ZC3H12B: variants seen among roughly 807,000 people sequenced by gnomAD.
ZC3H12B encodes the protein probable ribonuclease ZC3H12B.
ZC3H12B carries 7 observed loss-of-function variants against 43.9 expected under a neutral mutation model. The ratio of observed to expected loss-of-function variants is 0.16; its 90% CI spans 0.09 to 0.30. ZC3H12B has a LOEUF of 0.30. Among genes scored for constraint, ZC3H12B ranks in the 10% least tolerant of loss-of-function variants. ZC3H12B has a pLI of 1.00. For synonymous variants in ZC3H12B, 222 were observed against 241.7 expected (o/e 0.92, Z 0.76); for missense variants, 475 against 670.2 (o/e 0.71, Z 3.22).
chrX:65,083,158 C>A, the ZC3H12B span, among the ~76,000 whole-genome samples: 2 of 111,121 alleles, frequency 1.8e-5, no homozygotes, highest in African/African-American at 6.6e-5. Flanking sequence ...TGGTTTCATA[C>A]TAAATGGGGA....
At chrX:65,240,070 G>A in the ZC3H12B span, among the ~76,000 whole-genome samples, 71 of 110,880 alleles carry the variant, frequency 6.4e-4, no homozygotes, top group African/African-American at 2.2e-3. Flanking sequence ...ATTTTCTTGT[G>A]GAGTTTCTGA....
At chrX:65,484,439 T>C (rs375510293), upstream of ZC3H12B, among the ~76,000 whole-genome samples, 11 of 112,427 alleles carry the variant, frequency 9.8e-5, no homozygotes, top group East Asian at 3.1e-3. Flanking sequence ...ATTCTTATGA[T>C]GATTGAACTA....
At chrX:65,055,585 G>C in the ZC3H12B span, among the ~76,000 whole-genome samples, 1 of 111,914 alleles carries the variant, frequency 8.9e-6, no homozygotes, top group Non-Finnish European at 1.9e-5. Flanking sequence ...TTGGTATCAG[G>C]ATGATACTGG....
chrX:65,394,052 G>T (rs183242490), intron 2 of ZC3H12B, among the ~76,000 whole-genome samples: 1,463 of 111,672 alleles, frequency 0.013, 13 homozygotes, highest in South Asian at 0.042. Flanking sequence ...AGATTGTTTG[G>T]TTTTTTTCTT....
chrX:65,263,679 A>G, the ZC3H12B span, among the ~76,000 whole-genome samples: 1 of 111,487 alleles, frequency 9.0e-6, no homozygotes, highest in Non-Finnish European at 1.9e-5. Context: ...TATTACAGGG[A>G]TATGGCCTTA....
the ZC3H12B span, among the ~76,000 whole-genome samples, chrX:65,283,127 G>T: frequency 2.4e-4 from 27 of 111,384 alleles, no homozygotes; most frequent in East Asian, 2.8e-4. Flanking sequence ...TATCCACCAA[G>T]ATCAAGCTGG....
chrX:65,200,537 A>G, the ZC3H12B span, among the ~76,000 whole-genome samples: 16 of 102,387 alleles, frequency 1.6e-4, no homozygotes, highest in African/African-American at 5.5e-4. Flanking sequence ...GGTTCAAGCG[A>G]TTCTCCTACC....
At chrX:65,152,804 G>A in the ZC3H12B span, among the ~76,000 whole-genome samples, 1 of 111,750 alleles carries the variant, frequency 8.9e-6, no homozygotes, top group Non-Finnish European at 1.9e-5. Context: ...AACAAAGCTG[G>A]AGACATCACG....
rs917584068 is a variant in ZC3H12B, at chrX:65,412,498, C to T, written n.407+13794C>T. On this transcript the variant is annotated intron_variant and non_coding_transcript_variant, in intron 3 of 5. Transcript: ENST00000617377. ...TTGGAACAGGGCACAGGGTTTCACT[C>T]GCCCTGTTCCCCAGGCTGGAATACA... is the stretch of plus-strand genomic sequence containing the variant. 4.5e-5 allele frequency among the ~76,000 whole-genome samples: 5 copies of T among 111,524 alleles called. No individual in the cohort carries two copies. The South Asian group carries it at 1.9e-3, about 43-fold the overall frequency.
the ZC3H12B span, among the ~76,000 whole-genome samples, chrX:65,119,373 T>A: frequency 1.8e-5 from 2 of 111,976 alleles, no homozygotes; most frequent in Non-Finnish European, 3.8e-5. Flanking sequence ...CTCATTGTGG[T>A]TTTGATTTGC....
chrX:65,196,127 C>G, the ZC3H12B span, among the ~76,000 whole-genome samples: 35 of 106,206 alleles, frequency 3.3e-4, no homozygotes, highest in Non-Finnish European at 6.4e-4. Flanking sequence ...CCCTTCCCCC[C>G]ACCCCCCGCA....
chrX:65,038,238 C>T, the ZC3H12B span, among the ~76,000 whole-genome samples: 2 of 111,566 alleles, frequency 1.8e-5, no homozygotes, highest in African/African-American at 6.5e-5. Context: ...AGGCTTTATA[C>T]ACCTTCTGTA....
chrX:65,191,075 G>T, the ZC3H12B span, among the ~76,000 whole-genome samples: 1 of 88,985 alleles, frequency 1.1e-5, no homozygotes, highest in Non-Finnish European at 2.1e-5. Context: ...TTTTGTCTTT[G>T]GCTCTGTTTA....
intron 2 of ZC3H12B, among the ~76,000 whole-genome samples, chrX:65,383,414 A>T (rs2066472991): frequency 9.1e-6 from 1 of 110,164 alleles, no homozygotes; most frequent in Non-Finnish European, 1.9e-5. Flanking sequence ...AGAAAGCTGA[A>T]ACTGGATCCC....
chrX:65,326,306 A>G, the ZC3H12B span, among the ~76,000 whole-genome samples: 1 of 111,735 alleles, frequency 8.9e-6, no homozygotes, highest in African/African-American at 3.2e-5. Context: ...AAAGAACCCA[A>G]TGAACTCCGT....
rs769160306 is a variant in ZC3H12B, at chrX:65,474,519, T to C, written n.408-14127T>C. 2.7e-5 allele frequency among the ~76,000 whole-genome samples: 3 copies of C among 112,505 alleles called. No individual in the cohort carries two copies. The East Asian group carries it at 8.3e-4, about 31-fold the overall frequency. ...ATCCATTTACATTTAAGGTAATTAC[T>C]GATAAGTGAGTACTTACTATTGCTA... On this transcript the variant is annotated intron_variant and non_coding_transcript_variant, in intron 3 of 5. Transcript: ENST00000617377.
At chrX:65,242,206 A>T in the ZC3H12B span, among the ~76,000 whole-genome samples, 1 of 110,671 alleles carries the variant, frequency 9.0e-6, no homozygotes, top group African/African-American at 3.3e-5. Flanking sequence ...CCAGGTCCAA[A>T]TGCGAGGACC....
the ZC3H12B span, among the ~76,000 whole-genome samples, chrX:65,132,552 G>A: frequency 9.0e-6 from 1 of 110,729 alleles, no homozygotes; most frequent in Non-Finnish European, 1.9e-5. Flanking sequence ...GGGAAAAAGG[G>A]CAGCAATGAG....
At chrX:65,495,323 A>G (rs1388282195) in intron 1 of ZC3H12B, among the ~76,000 whole-genome samples, 1 of 112,010 alleles carries the variant, frequency 8.9e-6, no homozygotes, top group Admixed American at 9.5e-5. Context: ...TTGCCTCAAG[A>G]GTGATAAGAC....
Sources: gnomAD v4.1 joint callset for allele counts (sites outside exome capture counted in the v4.1 genomes callset) on GRCh38, gnomAD v4.1.1 for gene constraint, MANE v1.5 for transcripts, NCBI Gene and HGNC (gene_info 2026-07-23, HGNC 2026-07-21) for gene names.